DZIP1: variants seen among roughly 807,000 people sequenced by gnomAD.
DZIP1 encodes the protein DAZ interacting zinc finger protein 1, also known as cilium assembly protein DZIP1.
Under a neutral mutation model 107.6 loss-of-function variants are expected in DZIP1, and 97 were observed. The ratio of observed to expected loss-of-function variants is 0.90; its 90% confidence interval spans 0.77 to 1.07. The LOEUF (loss-of-function observed/expected upper bound fraction) is 1.07. Among genes scored for constraint, DZIP1 ranks in the 50% least tolerant of loss-of-function variants. DZIP1 has a pLI of 0.00. For missense variants in DZIP1, 1,035 were observed against 1,063.6 expected (o/e 0.97, Z 0.37); for synonymous variants, 390 against 386.4 (o/e 1.01, Z -0.11).
Position 95,641,251 on chromosome 13 carries a change from G to A in DZIP1, c.597+44C>T. 1 of 1,528,876 alleles carries A rather than the reference G, an allele frequency of 6.5e-7. No individual in the cohort carries two copies. Among genetic ancestry groups the A allele is most frequent in the Non-Finnish European group, 8.8e-7 (1 of 1,135,180 alleles). The allele number at this position is 1,528,876 out of a possible 1,614,324, so 94.7% of individuals were successfully genotyped here. ...GACAGGCCTATCAAATGGGAACTGA[G>A]TTGTTTACTGGATTATGAATCGTGC... On this transcript the variant is annotated intron_variant, in intron 5 of 22. Coordinates refer to ENST00000376829, the MANE Select transcript of DZIP1 (RefSeq NM_198968.4). The surrounding 1 kb of genome is among the most constrained non-coding windows in gnomAD (Gnocchi z 4.3).
intron 10 of DZIP1, among the ~76,000 whole-genome samples, chr13:95,614,157 T>C (rs921289163): frequency 1.3e-5 from 2 of 148,758 alleles, no homozygotes; most frequent in Non-Finnish European, 3.0e-5. Context: ...AGCAGTGTCT[T>C]AGCATCCTGC....
At position 95,593,966 on chromosome 13, in the gene DZIP1, A is replaced by G; in HGVS notation, c.1658T>C (p.Leu553Pro). The change falls in exon 16 of 23, where the codon CTG becomes CCG. Residue 553 changes from leucine (L) to proline (P), a missense_variant. Transcript: ENST00000376829. ...TMVEQNLMEK[L>P]ETLGINADIR... Reference sequence around the variant, plus strand: ...TACTGCATTAATCCCCAAGGTTTCCAGTTTCTCCATCAAGTTCTGCTCCAC... The same window carrying G: ...TACTGCATTAATCCCCAAGGTTTCCGGTTTCTCCATCAAGTTCTGCTCCAC... The G allele has an allele frequency of 1.2e-6, 2 of 1,609,542 alleles. No homozygotes were observed. Among genetic ancestry groups the G allele is most frequent in the East Asian group, 2.2e-5 (1 of 44,632 alleles).
At chr13:95,588,615 G>A (rs1330389824) in intron 19 of DZIP1, among the ~76,000 whole-genome samples, 1 of 152,120 alleles carries the variant, frequency 6.6e-6, no homozygotes, top group Non-Finnish European at 1.5e-5. Flanking sequence ...AGGAAATTGA[G>A]ACTTAAAACA....
At chr13:95,603,873 C>T (rs1243793549) in intron 14 of DZIP1, among the ~76,000 whole-genome samples, 3 of 152,212 alleles carry the variant, frequency 2.0e-5, no homozygotes, top group East Asian at 1.9e-4. Context: ...TACCTAGATC[C>T]TCCCAGGACA....
chr13:95,604,555 G>A (rs2044716951), intron 14 of DZIP1, among the ~76,000 whole-genome samples: 1 of 152,228 alleles, frequency 6.6e-6, no homozygotes, highest in African/African-American at 2.4e-5. Flanking sequence ...GCAGCTCTGG[G>A]CTAGTGAGGG....
chr13:95,613,749 T>A (rs1017118571), intron 10 of DZIP1, among the ~76,000 whole-genome samples: 1 of 152,190 alleles, frequency 6.6e-6, no homozygotes, highest in Non-Finnish European at 1.5e-5. Flanking sequence ...GGACACATGT[T>A]TTGGCCCCAT....
intron 14 of DZIP1, among the ~76,000 whole-genome samples, chr13:95,601,532 C>T (rs1269824949): frequency 6.6e-6 from 1 of 152,216 alleles, no homozygotes; most frequent in Non-Finnish European, 1.5e-5. Context: ...GGCTGGACTT[C>T]ATCGTGCCTA....
At position 95,642,109 on chromosome 13, in the gene DZIP1, G is replaced by A. The variant is rs1047131913; in HGVS notation, c.-80C>T. On this transcript the variant is annotated 5_prime_UTR_variant, in exon 4 of 23. Coordinates refer to ENST00000376829, the MANE Select transcript of DZIP1 (RefSeq NM_198968.4). ...CCACAGCCCTCAGGAGCGGGAGAAG[G>A]CCGGGTTCCTCGCTTCCGCGGCGGC... The A allele has an allele frequency of 2.8e-6, 4 of 1,430,088 alleles. No individual in the cohort carries two copies. In the Admixed American group the frequency reaches 1.0e-4, roughly 36 times the overall value. The allele number at this position is 1,430,088 out of a possible 1,614,324, so 88.6% of individuals were successfully genotyped here. A position where few individuals can be genotyped will look rare whatever the true frequency, so the allele number is the denominator to read the frequency against.
chr13:95,582,375 G>T, intron 22 of DZIP1, 62 bp from the exon 23 acceptor site: 2 of 1,367,774 alleles, frequency 1.5e-6, no homozygotes, highest in Non-Finnish European at 2.1e-6. Context: ...ACATTGTCAA[G>T]TCTATAAAAA....
intron 5 of DZIP1, among the ~76,000 whole-genome samples, chr13:95,637,389 TGAG>T (rs1284395436): frequency 6.6e-6 from 1 of 152,098 alleles, no homozygotes; most frequent in African/African-American, 2.4e-5. Context: ...TGTTTGGAGA[TGAG>T]GCCTTTAATG....
rs773635726 is a variant in DZIP1, at chr13:95,587,597, G to C, written c.2160C>G (p.Asp720Glu). ...TTTCGCTTCCCTCGGTCCCGTCCGC[G>C]TCACTTTTCACTGTGTTCTTCCCGA... ...GSFGKNTVKS[D>E]ADGTEGSEIE... Residue 720 changes from aspartate (D) to glutamate (E), a missense_variant, in exon 20 of 23, where the codon GAC (aspartate) becomes GAG (glutamate). Coordinates refer to ENST00000376829, the MANE Select transcript of DZIP1 (RefSeq NM_198968.4). The C allele has an allele frequency of 1.2e-6, 2 of 1,614,058 alleles. No homozygotes were observed. The highest frequency in any genetic ancestry group is 1.7e-6 in the Non-Finnish European group (2 of 1,180,026).
intron 22 of DZIP1, chr13:95,584,475 CAAAAACA>C (rs1048577894): frequency 4.8e-6 from 3 of 630,474 alleles, no homozygotes; most frequent in South Asian, 1.5e-4. Context: ...AACACCGTTT[CAAAAACA>C]AAAAATAAAA....
chr13:95,614,007 T>A (rs1259343533), intron 10 of DZIP1, among the ~76,000 whole-genome samples: 1 of 151,732 alleles, frequency 6.6e-6, no homozygotes, highest in East Asian at 1.9e-4. Context: ...TAGCCTGTAG[T>A]CCTAGTTCCT....
intron 10 of DZIP1, among the ~76,000 whole-genome samples, chr13:95,615,439 G>A (rs947774325): frequency 6.6e-6 from 1 of 152,178 alleles, no homozygotes; most frequent in Non-Finnish European, 1.5e-5. Flanking sequence ...TAAGAGCAGT[G>A]GTTCAAACCA....
chr13:95,599,007 C>G (rs532186730), intron 15 of DZIP1, among the ~76,000 whole-genome samples: 3 of 152,316 alleles, frequency 2.0e-5, no homozygotes, highest in Admixed American at 6.5e-5. Flanking sequence ...TAAATCACCA[C>G]TATGATACAA....
At chr13:95,599,543 A>C (rs997217795) in intron 14 of DZIP1, 119 bp from the exon 15 acceptor site, 1 of 856,904 alleles carries the variant, frequency 1.2e-6, no homozygotes, top group African/African-American at 1.7e-5. Flanking sequence ...CCTGAATAGC[A>C]AGAATTTACT....
At position 95,642,162 on chromosome 13, in the gene DZIP1, CGT is replaced by C; in HGVS notation, c.-135_-134del. On this transcript the variant is annotated 5_prime_UTR_variant, in exon 4 of 23. Coordinates refer to ENST00000376829, the MANE Select transcript of DZIP1 (RefSeq NM_198968.4). ...CGGCCTAAGGTCTGGGCGTCCAGGACGTTGCTATAGCAGCGCCCAGGTCCGGA... is the reference window on the plus strand; with the variant it reads ...CGGCCTAAGGTCTGGGCGTCCAGGACTGCTATAGCAGCGCCCAGGTCCGGA... 8.1e-7 allele frequency: 1 copy of C among 1,242,002 alleles called. No homozygotes were observed. The highest frequency in any genetic ancestry group is 3.1e-5 in the East Asian group (1 of 32,002). 76.9% of individuals were successfully genotyped at this position (1,242,002 alleles called of 1,614,324 possible). A position where few individuals can be genotyped will look rare whatever the true frequency, so the allele number is the denominator to read the frequency against.
intron 9 of DZIP1, 123 bp from the exon 10 acceptor site, chr13:95,620,070 G>T: frequency 9.6e-7 from 1 of 1,041,588 alleles, no homozygotes; most frequent in Non-Finnish European, 1.4e-6. Context: ...ATTTTAGCTA[G>T]TGAAACAGTT....
intron 18 of DZIP1, 146 bp from the exon 19 acceptor site, chr13:95,589,353 A>T (rs1306895905): frequency 1.5e-6 from 1 of 648,260 alleles, no homozygotes; most frequent in Non-Finnish European, 2.7e-6. Flanking sequence ...TCAGTTAGAG[A>T]CTGGTAGGAA....
Sources: allele counts gnomAD v4.1 joint callset (sites outside exome capture counted in the v4.1 genomes callset), GRCh38; gene constraint gnomAD v4.1.1; non-coding constraint Gnocchi (gnomAD v3.1); transcripts MANE v1.5; gene names NCBI Gene and HGNC (gene_info 2026-07-23, HGNC 2026-07-21).